ING5: variants seen among roughly 807,000 people sequenced by gnomAD.
ING5 encodes inhibitor of growth family member 5, also known as inhibitor of growth protein 5.
Under a neutral mutation model 37.4 loss-of-function variants are expected in ING5, and 17 were observed. That is an observed-to-expected ratio of 0.45 (90% CI 0.31 to 0.68). ING5 has a LOEUF of 0.68. Ranked by LOEUF, ING5 falls within the 30% of genes least tolerant of loss-of-function variation. The pLI, the probability that ING5 is intolerant of heterozygous loss-of-function variation, is 0.05. For missense variants in ING5, 233 were observed against 311.9 expected (o/e 0.75, Z 1.91); for synonymous variants, 123 against 116.6 (o/e 1.06, Z -0.36).
rs2070467207 is a variant in ING5 at position 241,722,955 on chromosome 2, A to C, written c.499A>C (p.Thr167Pro). The change falls in exon 6 of 8, where the codon ACC (threonine) becomes CCC (proline). Residue 167 changes from threonine (T) to proline (P), a missense_variant. Physicochemically the swap from Thr to Pro is conservative, Grantham distance 38. Around this residue, in one of 4 missense-constraint regions of ING5, gnomAD observed 45 missense variants for 98.2 expected, o/e 0.46. Coordinates refer to ENST00000313552, the MANE Select transcript of ING5 (RefSeq NM_032329.6). ...CCCCTGCAGGTCTGAGTTCACTGAC[A>C]CCATCCTGTCCGTGCACCCCTCTGA... The part of the protein sequence containing the change: ...KHKGGSEFTD[T>P]ILSVHPSDVL... 3 of 1,614,048 alleles carry C rather than the reference A, an allele frequency of 1.9e-6. No homozygotes were observed. Among genetic ancestry groups the C allele is most frequent in the Non-Finnish European group, 2.5e-6 (3 of 1,180,016 alleles).
At chr2:241,716,477 TA>T (rs2070273574) in intron 5 of ING5, among the ~76,000 whole-genome samples, 1 of 150,972 alleles carries the variant, frequency 6.6e-6, no homozygotes, top group South Asian at 2.1e-4. Context: ...GTATTTTTAG[TA>T]GAGACAGGTT....
chr2:241,688,708 C>T (rs1403965583), intron 1 of ING5, among the ~76,000 whole-genome samples: 2 of 152,170 alleles, frequency 1.3e-5, no homozygotes, highest in African/African-American at 2.4e-5. Context: ...ACTGCACCCT[C>T]CACCTCCCGG....
At chr2:241,691,159 C>G (rs2069547660) in intron 2 of ING5, among the ~76,000 whole-genome samples, 1 of 151,628 alleles carries the variant, frequency 6.6e-6, no homozygotes, top group Non-Finnish European at 1.5e-5. Flanking sequence ...AAAAAAGGAC[C>G]TGGGTGTTGT....
At chr2:241,711,915 C>A in intron 4 of ING5, 63 bp from the exon 5 acceptor site, 1 of 1,433,058 alleles carries the variant, frequency 7.0e-7, no homozygotes, top group South Asian at 1.3e-5. Context: ...AAAAACAAAA[C>A]ACAAAACTTG....
At chr2:241,722,454 C>T (rs1255230973) in intron 5 of ING5, 1 of 985,268 alleles carries the variant, frequency 1.0e-6, no homozygotes, top group Admixed American at 6.1e-5. Context: ...GCCCTCTGTG[C>T]CCCCATGCCC....
intron 5 of ING5, among the ~76,000 whole-genome samples, chr2:241,718,185 G>A (rs2070326011): frequency 6.6e-6 from 1 of 151,944 alleles, no homozygotes. Flanking sequence ...GCTAAGTTTT[G>A]TATTTTTAGT....
At chr2:241,705,952 A>G (rs2069898538) in intron 2 of ING5, among the ~76,000 whole-genome samples, 2 of 151,160 alleles carry the variant, frequency 1.3e-5, no homozygotes, top group Admixed American at 6.6e-5. Flanking sequence ...GAGCCATGCC[A>G]CCTGCTGTGC....
intron 2 of ING5, among the ~76,000 whole-genome samples, chr2:241,693,221 C>G (rs2069581796): frequency 6.8e-6 from 1 of 147,764 alleles, no homozygotes; most frequent in Non-Finnish European, 1.5e-5. Context: ...CCCTATTGCA[C>G]TCCAGCCTGG....
intron 5 of ING5, among the ~76,000 whole-genome samples, chr2:241,713,129 T>C (rs2070165590): frequency 6.6e-6 from 1 of 151,268 alleles, no homozygotes; most frequent in Non-Finnish European, 1.5e-5. Flanking sequence ...CCATCTCGGC[T>C]CACTGCAACC....
intron 5 of ING5, among the ~76,000 whole-genome samples, chr2:241,714,624 G>A (rs1181570167): frequency 6.6e-6 from 1 of 151,286 alleles, no homozygotes; most frequent in Non-Finnish European, 1.5e-5. Flanking sequence ...TGAGGGCAGG[G>A]TCTAGCTGTG....
At chr2:241,717,839 C>A (rs1367019392) in intron 5 of ING5, among the ~76,000 whole-genome samples, 1 of 151,958 alleles carries the variant, frequency 6.6e-6, no homozygotes, top group Non-Finnish European at 1.5e-5. Context: ...TACTTTGCAT[C>A]GAATTTGGAA....
In ING5 at chr2:241,720,271, A is replaced by T. The variant is rs368741173; in HGVS notation, c.483-2668A>T. The stretch of plus-strand genomic sequence containing the variant: ...GTGCGCGTCCCTGACCCATCAGCAC[A>T]GTGGGTATTCACGCCCCTCGTGGTC... On this transcript the variant is annotated intron_variant, in intron 5 of 7. Transcript: ENST00000313552. 4.5e-5 allele frequency: 55 copies of T among 1,229,766 alleles called. No individual in the cohort carries two copies. The East Asian group carries it at 7.6e-4, about 17-fold the overall frequency. 76.2% of individuals were successfully genotyped at this position (1,229,766 alleles called of 1,614,324 possible).
intron 1 of ING5, chr2:241,688,072 T>C (rs1007996285): frequency 2.0e-5 from 3 of 152,218 alleles, no homozygotes; most frequent in Non-Finnish European, 2.9e-5. Context: ...GGTGAGACTT[T>C]TTGTTATTTT....
chr2:241,721,441 C>T (rs549107119), intron 5 of ING5: 1 of 985,668 alleles, frequency 1.0e-6, no homozygotes, highest in African/African-American at 1.7e-5. Flanking sequence ...GTGGGCGCCC[C>T]TGTGCCAGAG....
intron 5 of ING5, chr2:241,721,791 C>G: frequency 2.0e-6 from 2 of 985,372 alleles, no homozygotes; most frequent in African/African-American, 3.5e-5. Flanking sequence ...AATATAAAAG[C>G]GTAAATTTCC....
chr2:241,713,367 G>GTT lies in ING5; in HGVS notation c.482+1316_482+1317dup, dbSNP rs1166786436. Among the ~76,000 whole-genome samples, 450 of 102,308 alleles carry GTT rather than the reference G, an allele frequency of 4.4e-3. 4 individuals are homozygous for GTT. Among genetic ancestry groups the GTT allele is most frequent in the Non-Finnish European group, 5.2e-3 (272 of 51,824 alleles). 67.1% of individuals were successfully genotyped at this position (102,308 alleles called of 152,430 possible). A position where few individuals can be genotyped will look rare whatever the true frequency, so the allele number is the denominator to read the frequency against. On this transcript the variant is annotated intron_variant, in intron 5 of 7. Transcript: ENST00000313552. ...GCCATCACACCCGACCCAATTTTCA[G>GTT]TTTTTTTTTTTTTTTTTTTTTGAGA...
upstream of ING5, among the ~76,000 whole-genome samples, chr2:241,700,155 T>G (rs1402298941): frequency 7.3e-6 from 1 of 137,318 alleles, no homozygotes; most frequent in Non-Finnish European, 1.5e-5. Context: ...GCTAAGTTTT[T>G]TTTTTTTTTT....
chr2:241,703,706 A>T (rs904357436), intron 1 of ING5, among the ~76,000 whole-genome samples: 1 of 152,024 alleles, frequency 6.6e-6, no homozygotes, highest in East Asian at 1.9e-4. Flanking sequence ...CCCAGGTTCA[A>T]GCAATTCTCA....
intron 2 of ING5, among the ~76,000 whole-genome samples, chr2:241,691,634 T>G (rs1001372926): frequency 6.6e-6 from 1 of 152,142 alleles, no homozygotes; most frequent in African/African-American, 2.4e-5. Context: ...AGTCCAAGAT[T>G]AAGGTGCCCG....
Sources: allele counts gnomAD v4.1 joint callset (sites outside exome capture counted in the v4.1 genomes callset), GRCh38; gene constraint gnomAD v4.1.1; regional missense constraint gnomAD v4.1.1; transcripts MANE v1.5; gene names NCBI Gene and HGNC (gene_info 2026-07-23, HGNC 2026-07-21).